SLIT2: variants seen among roughly 807,000 people sequenced by gnomAD.
SLIT2 encodes slit guidance ligand 2, also known as slit homolog 2 protein.
Under a neutral mutation model 185.7 loss-of-function variants are expected in SLIT2, and 41 were observed. The observed-to-expected ratio is 0.22, with a 90% confidence interval of 0.17 to 0.29. The LOEUF (loss-of-function observed/expected upper bound fraction) is 0.29, where lower values mean the gene tolerates loss of function less well. Ranked by LOEUF, SLIT2 falls within the 10% of genes least tolerant of loss-of-function variation. The pLI, the probability that SLIT2 is intolerant of heterozygous loss-of-function variation, is 1.00. For missense variants in SLIT2, 1,571 were observed against 1,909.0 expected, an observed-to-expected ratio of 0.82 and a Z score of 3.30; for synonymous variants, 693 against 680.2, an observed-to-expected ratio of 1.02 and a Z score of -0.29.
At chr4:20,260,758 A>C (rs1712365373) in intron 3 of SLIT2, among the ~76,000 whole-genome samples, 2 of 151,896 alleles carry the variant, frequency 1.3e-5, no homozygotes, top group Non-Finnish European at 2.9e-5. Flanking sequence ...TTGCAAATCA[A>C]AACATTATAG....
chr4:20,519,204 A>G (rs1447727648), intron 11 of SLIT2, among the ~76,000 whole-genome samples, 178 bp from the exon 12 acceptor site: 1 of 152,206 alleles, frequency 6.6e-6, no homozygotes, highest in Non-Finnish European at 1.5e-5. Flanking sequence ...CAGTAAGCAT[A>G]TATCTGATCT....
At chr4:20,425,559 A>G (rs1577633862) in intron 4 of SLIT2, among the ~76,000 whole-genome samples, 1 of 152,168 alleles carries the variant, frequency 6.6e-6, no homozygotes, top group Admixed American at 6.6e-5. Context: ...GTTTAAAGAA[A>G]TGTCATATTG....
At chr4:20,317,488 A>G (rs1352351420) in intron 4 of SLIT2, among the ~76,000 whole-genome samples, 2 of 152,086 alleles carry the variant, frequency 1.3e-5, no homozygotes, top group East Asian at 3.9e-4. Flanking sequence ...TGTGAGAATC[A>G]GAGGTGCATT....
chr4:20,590,649 T>C (rs888263327), intron 30 of SLIT2, among the ~76,000 whole-genome samples: 1 of 152,210 alleles, frequency 6.6e-6, no homozygotes, highest in Non-Finnish European at 1.5e-5. Flanking sequence ...AAAAAACACT[T>C]CCTTTTTCCT....
intron 4 of SLIT2, among the ~76,000 whole-genome samples, chr4:20,348,880 G>A (rs894274285): frequency 6.6e-6 from 1 of 152,176 alleles, no homozygotes; most frequent in Admixed American, 6.6e-5. Context: ...CCAGTGAGAA[G>A]CCTCATTGCA....
At chr4:20,532,597 A>T (rs188439219) in intron 17 of SLIT2, among the ~76,000 whole-genome samples, 119 of 152,304 alleles carry the variant, frequency 7.8e-4, no homozygotes, top group African/African-American at 2.6e-3. Flanking sequence ...GGGAGGTGTG[A>T]CGGGGAGACA....
chr4:20,408,954 C>G (rs1302087503), intron 4 of SLIT2, among the ~76,000 whole-genome samples: 1 of 152,112 alleles, frequency 6.6e-6, no homozygotes, highest in South Asian at 2.1e-4. Flanking sequence ...CCACCCCCAC[C>G]TCCCATATGC....
intron 18 of SLIT2, among the ~76,000 whole-genome samples, chr4:20,538,135 T>G (rs536209828): frequency 6.6e-6 from 1 of 152,270 alleles, no homozygotes; most frequent in South Asian, 2.1e-4. Context: ...AATTTTTTTG[T>G]ATTTTTAGTA....
At chr4:20,265,929 A>C (rs1016168415) in intron 3 of SLIT2, among the ~76,000 whole-genome samples, 4 of 151,884 alleles carry the variant, frequency 2.6e-5, no homozygotes, top group African/African-American at 9.7e-5. Flanking sequence ...GGTATGTTTT[A>C]GTGTCATACC....
chr4:20,443,277 A>G (rs563110381), intron 4 of SLIT2, among the ~76,000 whole-genome samples: 3 of 152,328 alleles, frequency 2.0e-5, no homozygotes, highest in Admixed American at 1.3e-4. Context: ...TACTGTGTGC[A>G]GACACAAGCA....
At chr4:20,312,617 C>G (rs1044919784) in intron 4 of SLIT2, among the ~76,000 whole-genome samples, 2 of 150,912 alleles carry the variant, frequency 1.3e-5, no homozygotes, top group African/African-American at 4.9e-5. Flanking sequence ...ACTAAAAATA[C>G]AAAAAAATTA....
At chr4:20,378,071 A>T (rs760505631) in intron 4 of SLIT2, among the ~76,000 whole-genome samples, 1 of 152,134 alleles carries the variant, frequency 6.6e-6, no homozygotes, top group Admixed American at 6.5e-5. Context: ...TTATACTGAG[A>T]TGCAGAGATT....
chr4:20,460,333 A>AT (rs1713567030), intron 4 of SLIT2, among the ~76,000 whole-genome samples: 1 of 152,082 alleles, frequency 6.6e-6, no homozygotes, highest in African/African-American at 2.4e-5. Context: ...AATTAAAACT[A>AT]TTTTTTCAAA....
intron 4 of SLIT2, among the ~76,000 whole-genome samples, chr4:20,382,738 A>G (rs577900957): frequency 8.4e-4 from 128 of 152,286 alleles, no homozygotes; most frequent in African/African-American, 2.8e-3. Flanking sequence ...TGATCTATTG[A>G]TTCAATGCAC....
At chr4:20,409,042 C>T (rs961801953) in intron 4 of SLIT2, among the ~76,000 whole-genome samples, 32 of 151,750 alleles carry the variant, frequency 2.1e-4, no homozygotes, top group African/African-American at 6.3e-4. Context: ...CTGCAGCTCA[C>T]GAAAGCTGCC....
chr4:20,287,621 AG>A (rs1349078577), intron 4 of SLIT2, among the ~76,000 whole-genome samples: 1 of 152,074 alleles, frequency 6.6e-6, no homozygotes, highest in African/African-American at 2.4e-5. Flanking sequence ...GCTTGTTTGG[AG>A]GGTTTAATCT....
At chr4:20,504,334 C>T (rs1051406422) in intron 9 of SLIT2, among the ~76,000 whole-genome samples, 2 of 152,110 alleles carry the variant, frequency 1.3e-5, no homozygotes, top group African/African-American at 4.8e-5. Flanking sequence ...CTGCTTTTGC[C>T]ATTTACGTTA....
At chr4:20,554,091 C>T in intron 26 of SLIT2, 123 bp downstream of exon 26, 5 of 820,134 alleles carry the variant, frequency 6.1e-6, no homozygotes. Flanking sequence ...ATTTTTTCAG[C>T]CCATGCTTGG....
At position 20,254,951 on chromosome 4, in the gene SLIT2, G is replaced by T. The variant is rs1423423613; in HGVS notation, c.179+957G>T. 2 of 456,188 alleles carry T rather than the reference G, an allele frequency of 4.4e-6. No homozygotes were observed. The highest frequency in any genetic ancestry group is 2.0e-5 in the African/African-American group (1 of 50,088). The allele number at this position is 456,188 out of a possible 1,614,324, so 28.3% of individuals were successfully genotyped here. A position where few individuals can be genotyped will look rare whatever the true frequency, so the allele number is the denominator to read the frequency against. On this transcript the variant is annotated intron_variant, in intron 1 of 36. Transcript: ENST00000504154. The surrounding 1 kb of genome is among the most constrained non-coding windows in gnomAD (Gnocchi z 5.1). ...AGTCTCTAATGAAGAAGTAAATGCA[G>T]ACCCGGTGTTGACGGCCCACGCGCT... is the stretch of plus-strand genomic sequence containing the variant.
Sources: allele counts gnomAD v4.1 joint callset (sites outside exome capture counted in the v4.1 genomes callset), GRCh38; gene constraint gnomAD v4.1.1; non-coding constraint Gnocchi (gnomAD v3.1); transcripts MANE v1.5; gene names NCBI Gene and HGNC (gene_info 2026-07-23, HGNC 2026-07-21).